Variants in RAPH1 observed in about 807,000 individuals in gnomAD.
RAPH1 encodes Ras association (RalGDS/AF-6) and pleckstrin homology domains 1, also known as ras-associated and pleckstrin homology domains-containing protein 1.
Under a neutral mutation model 88.1 loss-of-function variants are expected in RAPH1, and 18 were observed. The ratio of observed to expected loss-of-function variants is 0.20; its 90% CI spans 0.14 to 0.30. The LOEUF (loss-of-function observed/expected upper bound fraction) is 0.30. Among genes scored for constraint, RAPH1 ranks in the 10% least tolerant of loss-of-function variants. The probability of loss-of-function intolerance (pLI) is 1.00; values close to 1 mark genes in which losing one functional copy is unlikely to be tolerated. For missense variants in RAPH1, 1,448 were observed against 1,543.2 expected, an observed-to-expected ratio of 0.94 and a Z score of 1.03; for synonymous variants, 587 against 559.0, an observed-to-expected ratio of 1.05 and a Z score of -0.71.
At chr2:203,442,767 A>G (rs2098505398) in intron 13 of RAPH1, 1 of 152,186 alleles carries the variant, frequency 6.6e-6, no homozygotes, top group African/African-American at 2.4e-5. Context: ...CTGTGCAATA[A>G]CGGACTTTGC....
In RAPH1 at chr2:203,523,826, G is replaced by A. The variant is rs1295566492; in HGVS notation, c.-1+11285C>T. Among the ~76,000 whole-genome samples the A allele has an allele frequency of 2.6e-5, 4 of 152,046 alleles. No homozygotes were observed. The East Asian group carries it at 7.7e-4, about 29-fold the overall frequency. The stretch of plus-strand genomic sequence containing the variant: ...CCGAGACCATCCTGGCTAACATGGT[G>A]AAACCCCATCTCTACTAAAAATACA... On this transcript the variant is annotated intron_variant, in intron 1 of 13. Coordinates refer to ENST00000319170, the MANE Select transcript of RAPH1 (RefSeq NM_213589.3).
At position 203,434,053 on chromosome 2, in the gene RAPH1, T is replaced by A. The variant is rs2098495903; in HGVS notation, c.*5384A>T. The A allele has an allele frequency of 7.9e-6, 1 of 127,342 alleles. No homozygotes were observed. Among genetic ancestry groups the A allele is most frequent in the Non-Finnish European group, 1.7e-5 (1 of 60,418 alleles). 7.9% of individuals were successfully genotyped at this position (127,342 alleles called of 1,614,324 possible). ...TATCTCTCTCATATATCTATCTATC[T>A]ATCTATATATATATATATATATATA... On this transcript the variant is annotated 3_prime_UTR_variant, in exon 14 of 14. Coordinates refer to ENST00000319170, the MANE Select transcript of RAPH1 (RefSeq NM_213589.3).
At chr2:203,529,709 T>C (rs550771460) in intron 1 of RAPH1, among the ~76,000 whole-genome samples, 3 of 152,314 alleles carry the variant, frequency 2.0e-5, no homozygotes, top group East Asian at 3.9e-4. Context: ...TCTACAATAA[T>C]ACTGGGCCTA....
intron 5 of RAPH1, 33 bp from the exon 6 acceptor site, chr2:203,461,441 C>T: frequency 2.0e-6 from 3 of 1,498,250 alleles, no homozygotes; most frequent in Non-Finnish European, 2.7e-6. Context: ...TAAATGAACA[C>T]TAAAAAATGG....
chr2:203,469,572 A>T (rs1559467571), intron 4 of RAPH1, among the ~76,000 whole-genome samples: 1 of 152,234 alleles, frequency 6.6e-6, no homozygotes, highest in Non-Finnish European at 1.5e-5. Flanking sequence ...ACATTATTTA[A>T]ATAAGCTAAT....
intron 4 of RAPH1, among the ~76,000 whole-genome samples, chr2:203,466,691 A>G (rs1210058147): frequency 2.0e-5 from 3 of 152,212 alleles, no homozygotes; most frequent in African/African-American, 7.2e-5. Flanking sequence ...CACATATGTA[A>G]AAACTTAAAT....
At chr2:203,477,274 A>T (rs960062609) in intron 4 of RAPH1, 2 of 741,716 alleles carry the variant, frequency 2.7e-6, no homozygotes, top group African/African-American at 3.5e-5. Context: ...AATGAAACAA[A>T]ATAGTAATGA....
chr2:203,485,230 CCT>C (rs1478338973), intron 4 of RAPH1, among the ~76,000 whole-genome samples: 1 of 151,940 alleles, frequency 6.6e-6, no homozygotes, highest in African/African-American at 2.4e-5. Flanking sequence ...ATGGCGAAAC[CCT>C]GTCTCCACTA....
Position 203,491,817 on chromosome 2 carries a change from T to C in RAPH1, c.121-498A>G, listed in dbSNP as rs371885932. Among the ~76,000 whole-genome samples, 76 of 152,352 alleles carry C rather than the reference T, an allele frequency of 5.0e-4. No individual in the cohort carries two copies. In the South Asian group the frequency reaches 0.014, roughly 29 times the overall value. ...GCCACCATATCTGGCCTATGCTTAC[T>C]TTTAAAGGCACTTGAGATTGTCATA... is the stretch of plus-strand genomic sequence containing the variant. On this transcript the variant is annotated intron_variant, in intron 2 of 13. Coordinates refer to ENST00000319170, the MANE Select transcript of RAPH1 (RefSeq NM_213589.3).
At chr2:203,530,831 G>A (rs1690357533) in intron 1 of RAPH1, among the ~76,000 whole-genome samples, 2 of 151,846 alleles carry the variant, frequency 1.3e-5, no homozygotes, top group African/African-American at 4.8e-5. Flanking sequence ...GGCAGAGGTT[G>A]CAGTGAGCTG....
Position 203,482,810 on chromosome 2 carries a change from AC to A in RAPH1, c.732+6773del, listed in dbSNP as rs753289040. Among the ~76,000 whole-genome samples, 143 of 143,420 alleles carry A rather than the reference AC, an allele frequency of 1.0e-3. 1 individual carries two copies. The highest frequency in any genetic ancestry group is 1.8e-3 in the Non-Finnish European group (121 of 67,746). 94.1% of individuals were successfully genotyped at this position (143,420 alleles called of 152,430 possible). A position where few individuals can be genotyped will look rare whatever the true frequency, so the allele number is the denominator to read the frequency against. ...AGAACGAGAATCTGTCTCAAAAAAA[AC>A]AAAACAAAACAAAACAAAACAAAAA... is the stretch of plus-strand genomic sequence containing the variant. On this transcript the variant is annotated intron_variant, in intron 4 of 13. Coordinates refer to ENST00000319170, the MANE Select transcript of RAPH1 (RefSeq NM_213589.3).
intron 13 of RAPH1, chr2:203,441,955 T>C: frequency 6.9e-7 from 1 of 1,457,926 alleles, no homozygotes; most frequent in Non-Finnish European, 9.0e-7. Context: ...TGAGCAGGCG[T>C]GCACAGTCAC....
chr2:203,457,468 G>A, intron 8 of RAPH1, 62 bp downstream of exon 8: 2 of 1,338,962 alleles, frequency 1.5e-6, no homozygotes, highest in South Asian at 1.2e-5. Context: ...GCAGGCGTGA[G>A]CCACCATGCC....
intron 1 of RAPH1, among the ~76,000 whole-genome samples, chr2:203,496,084 G>A (rs772068884): frequency 3.3e-5 from 5 of 152,212 alleles, no homozygotes; most frequent in Admixed American, 2.0e-4. Flanking sequence ...GTGGCTGGGC[G>A]TGGTGGCTCA....
chr2:203,497,301 T>C (rs993593721), intron 1 of RAPH1, among the ~76,000 whole-genome samples: 1 of 152,212 alleles, frequency 6.6e-6, no homozygotes, highest in Non-Finnish European at 1.5e-5. Context: ...TAATTTCTGT[T>C]CTTTATATAT....
rs533821908 is a variant in RAPH1, at chr2:203,438,552, AAATC to A, written c.*881_*884del. 5.4e-4 allele frequency: 93 copies of A among 171,644 alleles called. No homozygotes were observed. The highest frequency in any genetic ancestry group is 2.5e-3 in the Middle Eastern group (1 of 404). The allele number at this position is 171,644 out of a possible 1,614,324, so 10.6% of individuals were successfully genotyped here. ...GATAACTGTGTTATCCATCCTCTTA[AAATC>A]AATCAAAGTGAGGATCATGAAGCCA... is the stretch of plus-strand genomic sequence containing the variant. On this transcript the variant is annotated 3_prime_UTR_variant, in exon 14 of 14. Coordinates refer to ENST00000319170, the MANE Select transcript of RAPH1 (RefSeq NM_213589.3).
At chr2:203,465,825 CAG>C (rs989477701) in intron 4 of RAPH1, among the ~76,000 whole-genome samples, 3 of 152,042 alleles carry the variant, frequency 2.0e-5, no homozygotes, top group African/African-American at 7.2e-5. Flanking sequence ...TTGCAGTAAA[CAG>C]AGATCACACC....
chr2:203,436,680 G>A lies in RAPH1; in HGVS notation c.*2757C>T, dbSNP rs954094805. Reference sequence around the variant, plus strand: ...GCTGTTCACTTTTCAGTACAGCCAAGTCAACTGCACAGACTTGAAGCAGCC... The same window carrying A: ...GCTGTTCACTTTTCAGTACAGCCAAATCAACTGCACAGACTTGAAGCAGCC... On this transcript the variant is annotated 3_prime_UTR_variant, in exon 14 of 14. Coordinates refer to ENST00000319170, the MANE Select transcript of RAPH1 (RefSeq NM_213589.3). The A allele has an allele frequency of 6.6e-6, 1 of 152,360 alleles. No homozygotes were observed. The highest frequency in any genetic ancestry group is 3.4e-3 in the Middle Eastern group (1 of 296). 9.4% of individuals were successfully genotyped at this position (152,360 alleles called of 1,614,324 possible). A position where few individuals can be genotyped will look rare whatever the true frequency, so the allele number is the denominator to read the frequency against.
At chr2:203,483,343 C>T (rs1242369726) in intron 4 of RAPH1, among the ~76,000 whole-genome samples, 1 of 152,104 alleles carries the variant, frequency 6.6e-6, no homozygotes, top group Non-Finnish European at 1.5e-5. Flanking sequence ...GAGAAGTGAT[C>T]ACATTCTAGA....
Sources: allele counts gnomAD v4.1 joint callset (sites outside exome capture counted in the v4.1 genomes callset), GRCh38; gene constraint gnomAD v4.1.1; transcripts MANE v1.5; gene names NCBI Gene and HGNC (gene_info 2026-07-23, HGNC 2026-07-21).